Variants in NRG1 observed in about 807,000 individuals in gnomAD.
NRG1 encodes pro-neuregulin-1, membrane-bound isoform.
In NRG1, 18 loss-of-function variants were observed where a neutral mutation model predicts 63.8. The observed-to-expected ratio is 0.28, with a 90% CI of 0.19 to 0.42. The LOEUF is 0.42. Ranked by LOEUF, NRG1 falls within the 10% of genes least tolerant of loss-of-function variation. The pLI is 1.00. For missense variants in NRG1, 762 were observed against 814.7 expected, an observed-to-expected ratio of 0.94 and a Z score of 0.79; for synonymous variants, 302 against 301.3, an observed-to-expected ratio of 1.00 and a Z score of -0.02.
At chr8:32,756,566 C>T (rs762144773) in intron 9 of NRG1, 37 bp downstream of exon 9, 33 of 1,590,244 alleles carry the variant, frequency 2.1e-5, no homozygotes, top group Middle Eastern at 1.7e-4. Flanking sequence ...AACTGAGCCT[C>T]TCTCCTTTGT....
chr8:32,483,411 A>C (rs1825536007), intron 1 of NRG1, among the ~76,000 whole-genome samples: 1 of 152,058 alleles, frequency 6.6e-6, no homozygotes, highest in South Asian at 2.1e-4. Context: ...AAATCATTTG[A>C]CCTCTACTCC....
chr8:32,125,574 T>C (rs1270999661), intron 1 of NRG1, among the ~76,000 whole-genome samples: 2 of 151,938 alleles, frequency 1.3e-5, no homozygotes, highest in African/African-American at 2.4e-5. Flanking sequence ...CTAAACTCCT[T>C]AGTCTGACAT....
chr8:31,780,846 A>G (rs545732109), intron 1 of NRG1, among the ~76,000 whole-genome samples: 12 of 152,280 alleles, frequency 7.9e-5, no homozygotes, highest in South Asian at 2.1e-4. Flanking sequence ...AGAGGTATGC[A>G]TCTTTGAATA....
intron 1 of NRG1, among the ~76,000 whole-genome samples, chr8:32,342,771 A>G (rs1403471210): frequency 1.3e-5 from 2 of 152,244 alleles, no homozygotes; most frequent in Non-Finnish European, 1.5e-5. Flanking sequence ...TTTCTAAAAA[A>G]TAAACAAGCA....
chr8:31,832,791 G>GCAA (rs1304877746), intron 1 of NRG1, among the ~76,000 whole-genome samples: 13 of 152,126 alleles, frequency 8.5e-5, no homozygotes, highest in Non-Finnish European at 1.5e-4. Flanking sequence ...GTTGCCTATT[G>GCAA]CTTTATAAAA....
chr8:32,447,438 G>T (rs1820408119), intron 1 of NRG1, among the ~76,000 whole-genome samples: 1 of 152,020 alleles, frequency 6.6e-6, no homozygotes, highest in Non-Finnish European at 1.5e-5. Context: ...TAATCACTGT[G>T]GGAAACATTT....
chr8:31,765,840 A>G (rs1430270738), intron 1 of NRG1, among the ~76,000 whole-genome samples: 1 of 152,206 alleles, frequency 6.6e-6, no homozygotes, highest in Non-Finnish European at 1.5e-5. Context: ...TAGTGAGATC[A>G]TATTCTCTTT....
intron 1 of NRG1, among the ~76,000 whole-genome samples, chr8:31,948,357 T>G (rs1189557200): frequency 2.6e-5 from 4 of 152,190 alleles, no homozygotes; most frequent in African/African-American, 9.7e-5. Flanking sequence ...GTGTTCATAA[T>G]GCCACTTTGC....
chr8:32,221,830 T>G (rs1011774344), intron 1 of NRG1, among the ~76,000 whole-genome samples: 1 of 152,158 alleles, frequency 6.6e-6, no homozygotes, highest in Non-Finnish European at 1.5e-5. Flanking sequence ...GGAAAAAAAT[T>G]GAACATATAT....
intron 1 of NRG1, among the ~76,000 whole-genome samples, chr8:31,901,151 A>T (rs1465244932): frequency 6.6e-6 from 1 of 152,192 alleles, no homozygotes; most frequent in Non-Finnish European, 1.5e-5. Context: ...CTGAAAAAAG[A>T]TGTTCGAATT....
chr8:32,585,403 G>A (rs180962914), intron 1 of NRG1, among the ~76,000 whole-genome samples: 2 of 152,310 alleles, frequency 1.3e-5, no homozygotes, highest in East Asian at 3.9e-4. Flanking sequence ...TGTGGTGACA[G>A]AATCAATTAG....
chr8:32,230,232 A>G (rs1166620060), intron 1 of NRG1, among the ~76,000 whole-genome samples: 1 of 152,184 alleles, frequency 6.6e-6, no homozygotes, highest in East Asian at 1.9e-4. Flanking sequence ...TCTCCAAATC[A>G]AAGTGTGCTA....
chr8:32,098,066 G>A (rs1168884893), intron 1 of NRG1, among the ~76,000 whole-genome samples: 4 of 152,122 alleles, frequency 2.6e-5, no homozygotes, highest in Non-Finnish European at 5.9e-5. Flanking sequence ...GGGAATTCCA[G>A]TATTAAGAGT....
chr8:32,138,365 G>T (rs1331202443), intron 1 of NRG1, among the ~76,000 whole-genome samples: 1 of 151,908 alleles, frequency 6.6e-6, no homozygotes, highest in Non-Finnish European at 1.5e-5. Context: ...GGTCCTTCAA[G>T]CAGGGGAATA....
chr8:32,108,371 C>A (rs995019469), intron 1 of NRG1, among the ~76,000 whole-genome samples: 4 of 152,236 alleles, frequency 2.6e-5, no homozygotes, highest in African/African-American at 9.6e-5. Flanking sequence ...AGTACTGCAT[C>A]TTCAGAGGGG....
chr8:32,180,874 G>C (rs1459883837), intron 1 of NRG1, among the ~76,000 whole-genome samples: 1 of 151,984 alleles, frequency 6.6e-6, no homozygotes, highest in Non-Finnish European at 1.5e-5. Context: ...AATTGAAGTT[G>C]TGTGCCCTTT....
intron 1 of NRG1, among the ~76,000 whole-genome samples, chr8:32,285,314 G>A (rs1019802211): frequency 7.2e-5 from 11 of 152,080 alleles, no homozygotes; most frequent in African/African-American, 2.4e-4. Context: ...ATAGAGGCAG[G>A]ACTAAACACT....
intron 8 of NRG1, among the ~76,000 whole-genome samples, chr8:32,755,716 T>G (rs1373531075): frequency 6.6e-6 from 1 of 151,994 alleles, no homozygotes; most frequent in Non-Finnish European, 1.5e-5. Flanking sequence ...GGAAAAGCTA[T>G]AAATGAAATC....
intron 1 of NRG1, among the ~76,000 whole-genome samples, chr8:32,594,043 A>C (rs1305820931): frequency 2.0e-5 from 3 of 152,196 alleles, no homozygotes; most frequent in Non-Finnish European, 4.4e-5. Flanking sequence ...TACTGCTAAG[A>C]AATCACAGCA....
Sources: allele counts gnomAD v4.1 joint callset (sites outside exome capture counted in the v4.1 genomes callset), GRCh38; gene constraint gnomAD v4.1.1; transcripts MANE v1.5; gene names NCBI Gene and HGNC (gene_info 2026-07-23, HGNC 2026-07-21).